The following PRKG1 variants were observed in gnomAD, a reference collection of about 807,000 sequenced individuals.
The protein encoded by PRKG1 is cGMP-dependent protein kinase 1.
PRKG1 carries 35 observed loss-of-function variants against 88.1 expected under a neutral mutation model. The ratio of observed to expected loss-of-function variants is 0.40; its 90% confidence interval spans 0.30 to 0.53. The LOEUF (loss-of-function observed/expected upper bound fraction) is 0.53. PRKG1 is among the 20% of genes least tolerant of loss of function. PRKG1 has a pLI of 0.59. For missense variants in PRKG1, 540 were observed against 839.8 expected, an observed-to-expected ratio of 0.64 and a Z score of 4.41; for synonymous variants, 303 against 292.5, an observed-to-expected ratio of 1.04 and a Z score of -0.37.
At chr10:51,588,635 G>T in intron 3 of PRKG1, among the ~76,000 whole-genome samples, 1 of 152,122 alleles carries the variant, frequency 6.6e-6, no homozygotes, top group Non-Finnish European at 1.5e-5. Context: ...ACAAATTCTG[G>T]TTATAATCAA....
chr10:51,432,484 A>G (rs771298373), intron 2 of PRKG1, among the ~76,000 whole-genome samples: 27 of 152,190 alleles, frequency 1.8e-4, no homozygotes, highest in Admixed American at 1.0e-3. Flanking sequence ...CACACAAAAA[A>G]GTTGAGCGGC....
At chr10:51,641,558 C>T (rs1380207437) in intron 3 of PRKG1, among the ~76,000 whole-genome samples, 2 of 152,128 alleles carry the variant, frequency 1.3e-5, no homozygotes, top group African/African-American at 2.4e-5. Context: ...TTGCCATGCT[C>T]GATCAGCTGG....
chr10:51,360,309 A>T (rs756942200), intron 2 of PRKG1, among the ~76,000 whole-genome samples: 4 of 151,920 alleles, frequency 2.6e-5, no homozygotes, highest in Non-Finnish European at 4.4e-5. Flanking sequence ...GACCTTGTAC[A>T]GGTAAACTTA....
intron 7 of PRKG1, among the ~76,000 whole-genome samples, chr10:52,113,984 T>A (rs1847627936): frequency 6.6e-6 from 1 of 152,112 alleles, no homozygotes; most frequent in South Asian, 2.1e-4. Flanking sequence ...AAAATGTTAA[T>A]TAAGCACTTG....
rs146021353 is a variant in PRKG1 at position 51,547,106 on chromosome 10, T to G, written c.592+79270T>G. On this transcript the variant is annotated intron_variant, in intron 3 of 17. Coordinates refer to ENST00000373980, the MANE Select transcript of PRKG1 (RefSeq NM_006258.4). ...AAACAAGAGCCTCATCACAGACAGGTTTTATATTCACCCTAATATATACAT... is the reference window on the plus strand; with the variant it reads ...AAACAAGAGCCTCATCACAGACAGGGTTTATATTCACCCTAATATATACAT... Among the ~76,000 whole-genome samples the G allele has an allele frequency of 6.8e-3, 1,027 of 152,108 alleles. 8 individuals carry two copies. The highest frequency in any genetic ancestry group is 0.011 in the Non-Finnish European group (747 of 67,978).
chr10:51,464,766 C>T (rs958728753), intron 2 of PRKG1, among the ~76,000 whole-genome samples: 3 of 149,974 alleles, frequency 2.0e-5, no homozygotes, highest in African/African-American at 7.3e-5. Context: ...TGGCGGGCGC[C>T]TGTAGTCCCA....
Position 52,212,586 on chromosome 10 carries a change from T to C in PRKG1, c.1077-38984T>C, listed in dbSNP as rs75412570. 3.3e-4 allele frequency among the ~76,000 whole-genome samples: 50 copies of C among 151,086 alleles called. 1 individual carries two copies. The East Asian group carries it at 9.2e-3, about 28-fold the overall frequency. On this transcript the variant is annotated intron_variant, in intron 9 of 17. Transcript: ENST00000373980. The stretch of plus-strand genomic sequence containing the variant: ...TGTAGCTTTTCTATCTTTTCATCCA[T>C]ATGGCTGTTGGGGGGAGAGGGGTGG...
At chr10:52,247,682 A>G (rs1049361458) in intron 9 of PRKG1, among the ~76,000 whole-genome samples, 1 of 152,212 alleles carries the variant, frequency 6.6e-6, no homozygotes, top group Non-Finnish European at 1.5e-5. Flanking sequence ...GCCCCTTTAT[A>G]TAGGTTCATT....
chr10:51,458,483 G>T (rs765438111), intron 2 of PRKG1, among the ~76,000 whole-genome samples: 1 of 150,474 alleles, frequency 6.6e-6, no homozygotes, highest in Admixed American at 6.6e-5. Context: ...CTGTTCCCTC[G>T]ATTAGTTTAT....
intron 3 of PRKG1, among the ~76,000 whole-genome samples, chr10:51,483,009 C>CTTTTTTTTTTTTTTTTT (rs149140774): frequency 9.1e-6 from 1 of 110,478 alleles, no homozygotes; most frequent in Non-Finnish European, 1.8e-5. Context: ...TCTTTTCTTT[C>CTTTTTTTTTTTTTTTTT]TTTTTTTTTT....
chr10:51,643,945 CCCCGACTT>C lies in PRKG1; in HGVS notation c.593-160638_593-160631del, dbSNP rs1455922741. ...TGCCCCATCCACGTCCCCAGCCTTTCCCCGACTTCTCATATTTGCTTTGAAACAAATCC... is the reference window on the plus strand; with the variant it reads ...TGCCCCATCCACGTCCCCAGCCTTTCCTCATATTTGCTTTGAAACAAATCC... On this transcript the variant is annotated intron_variant, in intron 3 of 17. Coordinates refer to ENST00000373980, the MANE Select transcript of PRKG1 (RefSeq NM_006258.4). Among the ~76,000 whole-genome samples, 4 of 152,286 alleles carry C rather than the reference CCCCGACTT, an allele frequency of 2.6e-5. No homozygotes were observed. The East Asian group carries it at 7.7e-4, about 29-fold the overall frequency.
At chr10:51,669,437 G>C (rs1840502371) in intron 3 of PRKG1, among the ~76,000 whole-genome samples, 1 of 152,180 alleles carries the variant, frequency 6.6e-6, no homozygotes, top group Non-Finnish European at 1.5e-5. Context: ...CAGTCACACA[G>C]GTGGTTAAGG....
chr10:51,588,986 T>C (rs547744078), intron 3 of PRKG1, among the ~76,000 whole-genome samples: 4 of 152,206 alleles, frequency 2.6e-5, no homozygotes, highest in Non-Finnish European at 5.9e-5. Flanking sequence ...AGCTGTTTTT[T>C]TGGAGAGGGT....
intron 5 of PRKG1, among the ~76,000 whole-genome samples, chr10:52,045,252 G>T (rs1195637261): frequency 6.6e-6 from 1 of 152,024 alleles, no homozygotes; most frequent in Non-Finnish European, 1.5e-5. Flanking sequence ...CACAATATCT[G>T]TCCTATCTAG....
intron 1 of PRKG1, among the ~76,000 whole-genome samples, chr10:51,083,514 G>GTTT (rs11419106): frequency 0.012 from 1,823 of 145,992 alleles, 31 homozygotes; most frequent in Middle Eastern, 0.036. Flanking sequence ...GCCAGCTACA[G>GTTT]TTTTTTTTTT....
chr10:51,703,720 C>T (rs12146352), intron 3 of PRKG1, among the ~76,000 whole-genome samples: 1 of 152,132 alleles, frequency 6.6e-6, no homozygotes, highest in African/African-American at 2.4e-5. Flanking sequence ...CAGGAAACAT[C>T]TTAGAAATTA....
At chr10:51,151,797 G>A (rs1185521876) in intron 1 of PRKG1, among the ~76,000 whole-genome samples, 4 of 151,826 alleles carry the variant, frequency 2.6e-5, no homozygotes, top group African/African-American at 9.7e-5. Flanking sequence ...ACTTAAAACT[G>A]AATTATTACA....
intron 3 of PRKG1, among the ~76,000 whole-genome samples, chr10:51,726,895 G>A (rs994589394): frequency 1.3e-5 from 2 of 151,942 alleles, no homozygotes; most frequent in Admixed American, 6.6e-5. Flanking sequence ...TCCTGCCTCA[G>A]CCTCCCAAGT....
chr10:51,604,978 G>A (rs982167580), intron 3 of PRKG1, among the ~76,000 whole-genome samples: 4 of 152,234 alleles, frequency 2.6e-5, no homozygotes, highest in Non-Finnish European at 5.9e-5. Flanking sequence ...TGGGCTGGAA[G>A]GTTGAGAGCA....
Sources: allele counts gnomAD v4.1 joint callset (sites outside exome capture counted in the v4.1 genomes callset), GRCh38; gene constraint gnomAD v4.1.1; transcripts MANE v1.5; gene names NCBI Gene and HGNC (gene_info 2026-07-23, HGNC 2026-07-21).